The following KIAA2012 variants were observed in gnomAD, a reference collection of about 807,000 sequenced individuals.
KIAA2012 encodes KIAA2012.
A neutral mutation model predicts 150.6 loss-of-function variants in KIAA2012; 125 were observed. The ratio of observed to expected loss-of-function variants is 0.83; its 90% CI spans 0.72 to 0.96. KIAA2012 has a LOEUF of 0.96. Ranked by LOEUF, KIAA2012 falls within the 40% of genes least tolerant of loss-of-function variation. KIAA2012 has a pLI of 0.00. For missense variants in KIAA2012, 1,219 were observed against 1,354.9 expected (o/e 0.90, Z 1.57); for synonymous variants, 462 against 504.7 (o/e 0.92, Z 1.13).
At chr2:202,100,673 C>A (rs181725202) in intron 7 of KIAA2012, among the ~76,000 whole-genome samples, 1 of 152,222 alleles carries the variant, frequency 6.6e-6, no homozygotes, top group Non-Finnish European at 1.5e-5. Flanking sequence ...CCAATTCTAC[C>A]TTAAAGCATG....
At chr2:202,197,117 A>T in intron 22 of KIAA2012, 98 bp downstream of exon 22, 1 of 1,518,520 alleles carries the variant, frequency 6.6e-7, no homozygotes, top group Non-Finnish European at 8.9e-7. Flanking sequence ...AGACAAGAAA[A>T]GTCCCCCCAC....
At chr2:202,199,920 A>ATTTTTTTTTTTTTTT (rs71025287) in intron 22 of KIAA2012, among the ~76,000 whole-genome samples, 4 of 76,290 alleles carry the variant, frequency 5.2e-5, no homozygotes, top group Non-Finnish European at 9.2e-5. Context: ...GCCCCTCATA[A>ATTTTTTTTTTTTTTT]TTTTTTTTTT....
intron 12 of KIAA2012, among the ~76,000 whole-genome samples, chr2:202,131,965 C>T (rs1270397029): frequency 6.6e-6 from 1 of 151,894 alleles, no homozygotes; most frequent in African/African-American, 2.4e-5. Flanking sequence ...CACCTGAGGT[C>T]GGGAGTTCAA....
At chr2:202,133,124 A>T (rs1559215763) in intron 12 of KIAA2012, among the ~76,000 whole-genome samples, 9 of 71,938 alleles carry the variant, frequency 1.3e-4, no homozygotes, top group African/African-American at 3.4e-4. Context: ...ATATATATAT[A>T]TATATATTTT....
At chr2:202,107,854 C>G (rs1690240095) in intron 9 of KIAA2012, among the ~76,000 whole-genome samples, 1 of 152,098 alleles carries the variant, frequency 6.6e-6, no homozygotes, top group Non-Finnish European at 1.5e-5. Flanking sequence ...ACTAAAAATA[C>G]AAAAATTAGC....
intron 2 of KIAA2012, among the ~76,000 whole-genome samples, chr2:202,084,366 G>A (rs1006509504): frequency 2.6e-5 from 4 of 152,272 alleles, no homozygotes; most frequent in South Asian, 2.1e-4. Flanking sequence ...CAGCCAGTGC[G>A]GGGGAAGGGA....
At chr2:202,154,589 G>A (rs1691486394) in intron 13 of KIAA2012, 84 bp from the exon 14 acceptor site, 2 of 1,259,936 alleles carry the variant, frequency 1.6e-6, no homozygotes. Context: ...ATTGCCTTCT[G>A]TAAATATTTG....
chr2:202,092,477 T>C (rs1689746721), intron 3 of KIAA2012, among the ~76,000 whole-genome samples: 1 of 152,238 alleles, frequency 6.6e-6, no homozygotes, highest in South Asian at 2.1e-4. Flanking sequence ...TCTGAACTTA[T>C]ATTACACTGA....
At chr2:202,189,253 C>A (rs758168635) in intron 18 of KIAA2012, among the ~76,000 whole-genome samples, 1 of 151,700 alleles carries the variant, frequency 6.6e-6, no homozygotes, top group Non-Finnish European at 1.5e-5. Context: ...GCCTACCCTC[C>A]GGACGGTCCT....
intron 22 of KIAA2012, among the ~76,000 whole-genome samples, chr2:202,199,228 G>A (rs1692468343): frequency 6.6e-6 from 1 of 152,176 alleles, no homozygotes; most frequent in Non-Finnish European, 1.5e-5. Context: ...TCTTCACTGT[G>A]TGACACTGGC....
At chr2:202,201,213 G>C (rs1692516159) in intron 22 of KIAA2012, among the ~76,000 whole-genome samples, 1 of 152,102 alleles carries the variant, frequency 6.6e-6, no homozygotes, top group African/African-American at 2.4e-5. Flanking sequence ...CCATTACATG[G>C]TTCCTCATTA....
intron 12 of KIAA2012, 69 bp from the exon 13 acceptor site, chr2:202,138,363 A>G (rs1306066208): frequency 6.9e-6 from 6 of 864,728 alleles, no homozygotes; most frequent in African/African-American, 3.8e-5. Context: ...TGTGTATGGT[A>G]TATATAAAAA....
intron 14 of KIAA2012, among the ~76,000 whole-genome samples, chr2:202,155,142 GT>G (rs1691498800): frequency 6.6e-6 from 1 of 152,154 alleles, no homozygotes; most frequent in African/African-American, 2.4e-5. Context: ...AATTGTTACT[GT>G]TTTACCACTG....
chr2:202,189,555 G>A (rs1278975037), intron 18 of KIAA2012, among the ~76,000 whole-genome samples: 1 of 152,062 alleles, frequency 6.6e-6, no homozygotes, highest in African/African-American at 2.4e-5. Flanking sequence ...CTCCCAAAGT[G>A]CTGGGATTAC....
intron 14 of KIAA2012, among the ~76,000 whole-genome samples, chr2:202,156,227 AAAG>A (rs555032958): frequency 1.4e-3 from 209 of 152,236 alleles, no homozygotes; most frequent in Middle Eastern, 3.4e-3. Context: ...AAACTACAAG[AAAG>A]AAGAATGATT....
chr2:202,129,990 T>C (rs1040341525), intron 12 of KIAA2012, among the ~76,000 whole-genome samples: 2 of 152,138 alleles, frequency 1.3e-5, no homozygotes, highest in Admixed American at 6.6e-5. Context: ...TAATTCATTA[T>C]AACATCTGCA....
At chr2:202,129,491 A>G (rs1257699847) in intron 12 of KIAA2012, among the ~76,000 whole-genome samples, 1 of 152,034 alleles carries the variant, frequency 6.6e-6, no homozygotes, top group Non-Finnish European at 1.5e-5. Context: ...AAGTGCTGGG[A>G]TTACAGGCAT....
Position 202,073,581 on chromosome 2 carries a change from C to A in KIAA2012, c.-47C>A. On this transcript the variant is annotated 5_prime_UTR_variant, in exon 1 of 24. Transcript: ENST00000498697. ...TGAGGTGTGACCAGATTTCAGCCTT[C>A]AAAACCAAGATGGACTGCCCTTGAG... is the stretch of plus-strand genomic sequence containing the variant. 2 of 1,534,942 alleles carry A rather than the reference C, an allele frequency of 1.3e-6. No homozygotes were observed. The highest frequency in any genetic ancestry group is 1.2e-5 in the South Asian group (1 of 83,038).
intron 13 of KIAA2012, among the ~76,000 whole-genome samples, chr2:202,148,951 C>T (rs1213787555): frequency 6.6e-6 from 1 of 152,226 alleles, no homozygotes; most frequent in East Asian, 1.9e-4. Flanking sequence ...AGCCCCACGT[C>T]TGGCCCCATT....
Sources: gnomAD v4.1 joint callset for allele counts (sites outside exome capture counted in the v4.1 genomes callset) on GRCh38, gnomAD v4.1.1 for gene constraint, MANE v1.5 for transcripts, NCBI Gene and HGNC (gene_info 2026-07-23, HGNC 2026-07-21) for gene names.